SPIDR: variants seen among roughly 807,000 people sequenced by gnomAD.
SPIDR encodes the protein scaffold protein involved in DNA repair.
In SPIDR, 93 loss-of-function variants were observed where a neutral mutation model predicts 104.6. The ratio of observed to expected loss-of-function variants is 0.89; its 90% CI spans 0.75 to 1.06. SPIDR has a LOEUF of 1.06. Among genes scored for constraint, SPIDR ranks in the 50% least tolerant of loss-of-function variants. The pLI, the probability that SPIDR is intolerant of heterozygous loss-of-function variation, is 0.00. For missense variants in SPIDR, 1,154 were observed against 1,111.2 expected (o/e 1.04, Z -0.55); for synonymous variants, 431 against 416.9 (o/e 1.03, Z -0.41).
At chr8:47,533,696 G>A (rs1474317299) in intron 8 of SPIDR, among the ~76,000 whole-genome samples, 1 of 152,138 alleles carries the variant, frequency 6.6e-6, no homozygotes, top group African/African-American at 2.4e-5. Context: ...TTAGAGAAAT[G>A]CAAATCAAAA....
chr8:47,298,897 A>G (rs1211790919), intron 5 of SPIDR, among the ~76,000 whole-genome samples: 1 of 152,204 alleles, frequency 6.6e-6, no homozygotes, highest in Non-Finnish European at 1.5e-5. Context: ...TGATGCCTCC[A>G]GCTTTGTTCT....
intron 7 of SPIDR, among the ~76,000 whole-genome samples, chr8:47,427,687 G>C (rs782636632): frequency 6.6e-6 from 1 of 152,192 alleles, no homozygotes; most frequent in Admixed American, 6.5e-5. Context: ...GTCCCTGACC[G>C]TCAGGCTACC....
intron 8 of SPIDR, chr8:47,511,937 T>TA: frequency 1.3e-6 from 1 of 794,166 alleles, no homozygotes; most frequent in African/African-American, 1.7e-5. Context: ...GTCACTCTAT[T>TA]ATCACTAGGG....
At chr8:47,508,559 T>C (rs763106611) in intron 8 of SPIDR, among the ~76,000 whole-genome samples, 3 of 152,242 alleles carry the variant, frequency 2.0e-5, no homozygotes, top group Non-Finnish European at 4.4e-5. Flanking sequence ...CTCTAAAAGA[T>C]GCCGTGTTGC....
intron 7 of SPIDR, among the ~76,000 whole-genome samples, chr8:47,420,900 T>G (rs1311393423): frequency 1.3e-5 from 2 of 152,272 alleles, no homozygotes; most frequent in Middle Eastern, 3.2e-3. Context: ...AAATTCTGGG[T>G]TGAAAATTAT....
intron 14 of SPIDR, among the ~76,000 whole-genome samples, chr8:47,705,090 C>T (rs2080888234): frequency 6.6e-6 from 1 of 152,192 alleles, no homozygotes; most frequent in Non-Finnish European, 1.5e-5. Flanking sequence ...CTCCTGCCCA[C>T]GGCCCTCTGG....
chr8:47,347,924 A>G (rs2052511162), intron 5 of SPIDR, among the ~76,000 whole-genome samples: 1 of 152,170 alleles, frequency 6.6e-6, no homozygotes, highest in Non-Finnish European at 1.5e-5. Flanking sequence ...GTGTCTTTTA[A>G]TTGGGGCATT....
intron 11 of SPIDR, among the ~76,000 whole-genome samples, chr8:47,694,577 T>C (rs1431608350): frequency 6.6e-6 from 1 of 152,180 alleles, no homozygotes; most frequent in Non-Finnish European, 1.5e-5. Context: ...GAGACCAGTC[T>C]GGGAAACATA....
At chr8:47,360,481 A>C (rs1260495898) in intron 5 of SPIDR, among the ~76,000 whole-genome samples, 1 of 152,138 alleles carries the variant, frequency 6.6e-6, no homozygotes, top group Non-Finnish European at 1.5e-5. Context: ...ATTACAGAAT[A>C]AGCTCCAGGG....
chr8:47,398,302 C>T (rs1318861549), intron 6 of SPIDR, among the ~76,000 whole-genome samples: 1 of 152,114 alleles, frequency 6.6e-6, no homozygotes, highest in African/African-American at 2.4e-5. Flanking sequence ...TGTTCATGCA[C>T]AGGAGCAAGC....
chr8:47,539,499 A>T (rs1441019057), intron 8 of SPIDR, among the ~76,000 whole-genome samples: 1 of 152,208 alleles, frequency 6.6e-6, no homozygotes, highest in Non-Finnish European at 1.5e-5. Context: ...GATAAATGAC[A>T]TCTCATTTTA....
intron 8 of SPIDR, among the ~76,000 whole-genome samples, chr8:47,542,829 C>T (rs2088495445): frequency 6.6e-6 from 1 of 152,168 alleles, no homozygotes; most frequent in Non-Finnish European, 1.5e-5. Context: ...TCTTCATAGG[C>T]ATACTATTTT....
chr8:47,545,824 A>T (rs2089258733), intron 8 of SPIDR, among the ~76,000 whole-genome samples: 1 of 152,086 alleles, frequency 6.6e-6, no homozygotes, highest in Non-Finnish European at 1.5e-5. Flanking sequence ...TAGTTTTCTG[A>T]GAAGTTTTAA....
intron 8 of SPIDR, among the ~76,000 whole-genome samples, chr8:47,504,557 T>G (rs1179473966): frequency 6.6e-6 from 1 of 152,212 alleles, no homozygotes; most frequent in African/African-American, 2.4e-5. Flanking sequence ...TCAAGGTTTT[T>G]AACTTCTTTG....
intron 5 of SPIDR, among the ~76,000 whole-genome samples, chr8:47,359,251 T>TAAAA (rs2055218728): frequency 1.5e-5 from 1 of 67,652 alleles, no homozygotes; most frequent in African/African-American, 4.1e-5. Context: ...AGACTCCGTC[T>TAAAA]CAAAAAAAAA....
chr8:47,464,138 A>T (rs2074390454), intron 8 of SPIDR, among the ~76,000 whole-genome samples: 2 of 151,822 alleles, frequency 1.3e-5, no homozygotes, highest in South Asian at 2.1e-4. Context: ...ACACACACAC[A>T]CACACACACA....
intron 5 of SPIDR, among the ~76,000 whole-genome samples, chr8:47,304,591 C>T (rs2042809539): frequency 6.6e-6 from 1 of 152,162 alleles, no homozygotes; most frequent in South Asian, 2.1e-4. Context: ...GTGTCTGCTT[C>T]CTCCTCCCCC....
intron 5 of SPIDR, among the ~76,000 whole-genome samples, chr8:47,350,374 C>T (rs1163112396): frequency 5.3e-5 from 8 of 152,212 alleles, no homozygotes; most frequent in Admixed American, 2.0e-4. Context: ...AGTACAGTGG[C>T]GCAATCTCGG....
rs553633775 is a variant in SPIDR at position 47,594,945 on chromosome 8, G to A, written c.1098-866G>A. Among the ~76,000 whole-genome samples the A allele has an allele frequency of 2.6e-5, 4 of 152,180 alleles. No individual in the cohort carries two copies. In the East Asian group the frequency reaches 5.8e-4, roughly 22 times the overall value. ...CAGGAGGCAGAGGTTTCAGTGAGCT[G>A]AGACCATGCCACTGCACTCCAGCCT... On this transcript the variant is annotated intron_variant, in intron 8 of 19. Coordinates refer to ENST00000297423, the MANE Select transcript of SPIDR (RefSeq NM_001080394.4).
Sources: gnomAD v4.1 joint callset for allele counts (sites outside exome capture counted in the v4.1 genomes callset) on GRCh38, gnomAD v4.1.1 for gene constraint, MANE v1.5 for transcripts, NCBI Gene and HGNC (gene_info 2026-07-23, HGNC 2026-07-21) for gene names.